Variants in HDAC9 observed in about 807,000 individuals in gnomAD.
HDAC9 encodes the protein MEF-2 interacting transcription repressor (MITR) protein.
HDAC9 carries 41 observed loss-of-function variants against 139.4 expected under a neutral mutation model. That is an observed-to-expected ratio of 0.29 (90% CI 0.23 to 0.38). The LOEUF (loss-of-function observed/expected upper bound fraction) is 0.38. Among genes scored for constraint, HDAC9 ranks in the 10% least tolerant of loss-of-function variants. The pLI, the probability that HDAC9 is intolerant of heterozygous loss-of-function variation, is 1.00. For missense variants in HDAC9, 1,147 were observed against 1,297.0 expected, an observed-to-expected ratio of 0.88 and a Z score of 1.78; for synonymous variants, 517 against 476.2, an observed-to-expected ratio of 1.09 and a Z score of -1.12.
chr7:18,458,495 G>C (rs1348426240), intron 1 of HDAC9, among the ~76,000 whole-genome samples: 1 of 152,150 alleles, frequency 6.6e-6, no homozygotes, highest in Admixed American at 6.6e-5. Flanking sequence ...CTTGTAGTTT[G>C]TTTCCAAAGG....
chr7:18,124,491 G>A (rs1784537603), intron 1 of HDAC9, among the ~76,000 whole-genome samples: 1 of 152,090 alleles, frequency 6.6e-6, no homozygotes, highest in African/African-American at 2.4e-5. Flanking sequence ...TTTATGCATG[G>A]AGGTTACAAT....
intron 22 of HDAC9, among the ~76,000 whole-genome samples, chr7:18,889,237 G>A (rs1319495425): frequency 6.6e-6 from 1 of 152,042 alleles, no homozygotes; most frequent in East Asian, 1.9e-4. Context: ...CTTCTTTAGT[G>A]ATAACCTGGT....
chr7:18,999,089 T>C lies in HDAC9; in HGVS notation c.*3027T>C, dbSNP rs1372172016. The C allele has an allele frequency of 6.6e-6, 1 of 152,168 alleles. No homozygotes were observed. The highest frequency in any genetic ancestry group is 2.4e-5 in the African/African-American group (1 of 41,444). 9.4% of individuals were successfully genotyped at this position (152,168 alleles called of 1,614,324 possible). A position where few individuals can be genotyped will look rare whatever the true frequency, so the allele number is the denominator to read the frequency against. On this transcript the variant is annotated 3_prime_UTR_variant, in exon 26 of 26. Transcript: ENST00000686413. Reference sequence around the variant, plus strand: ...TATTGTAACAAGTTTATAACATCAATAGTGGAGACAGAAGTCAGCTTTGGA... The same window carrying C: ...TATTGTAACAAGTTTATAACATCAACAGTGGAGACAGAAGTCAGCTTTGGA...
chr7:18,667,248 G>C (rs1562827059), intron 12 of HDAC9: 2 of 985,254 alleles, frequency 2.0e-6, no homozygotes, highest in Non-Finnish European at 2.4e-6. Flanking sequence ...GCAAATGTTA[G>C]TGAGAAGTAA....
intron 17 of HDAC9, among the ~76,000 whole-genome samples, chr7:18,817,045 T>G (rs982897949): frequency 8.0e-5 from 12 of 149,934 alleles, no homozygotes; most frequent in Non-Finnish European, 1.5e-4. Context: ...TTTGTTTTTT[T>G]TTTTTTTGAA....
chr7:18,748,549 C>A (rs749998813), intron 13 of HDAC9, among the ~76,000 whole-genome samples: 1 of 152,004 alleles, frequency 6.6e-6, no homozygotes, highest in Non-Finnish European at 1.5e-5. Context: ...AAAAATGAAA[C>A]CTTGATCTGA....
intron 1 of HDAC9, among the ~76,000 whole-genome samples, chr7:18,316,549 G>C (rs530100278): frequency 1.4e-5 from 2 of 147,546 alleles, no homozygotes; most frequent in African/African-American, 5.0e-5. Flanking sequence ...CATAATCTCC[G>C]TACTTGGGAG....
At chr7:18,990,115 A>G (rs1323959119) in intron 25 of HDAC9, among the ~76,000 whole-genome samples, 1 of 152,066 alleles carries the variant, frequency 6.6e-6, no homozygotes, top group Non-Finnish European at 1.5e-5. Flanking sequence ...GTTCCTTTGG[A>G]GGAGGAGAGG....
chr7:18,462,462 C>A (rs2128111070), intron 1 of HDAC9, among the ~76,000 whole-genome samples: 1 of 151,980 alleles, frequency 6.6e-6, no homozygotes, highest in South Asian at 2.1e-4. Flanking sequence ...GTTCTTAACC[C>A]CCAGATGAAG....
chr7:18,239,978 ATTTGTCCTGGACTTTG>A (rs1794083602), intron 2 of HDAC9, among the ~76,000 whole-genome samples: 1 of 148,318 alleles, frequency 6.7e-6, no homozygotes, highest in Non-Finnish European at 1.5e-5. Context: ...TTTCTGGATA[ATTTGTCCTGGACTTTG>A]TCCAGGACAG....
chr7:18,709,410 G>T (rs115460889), intron 12 of HDAC9, among the ~76,000 whole-genome samples: 24 of 152,266 alleles, frequency 1.6e-4, no homozygotes, highest in African/African-American at 5.3e-4. Context: ...TATGGAGTTT[G>T]TTTCAATTCC....
intron 1 of HDAC9, among the ~76,000 whole-genome samples, chr7:18,448,800 T>G (rs1792532520): frequency 6.6e-6 from 1 of 152,162 alleles, no homozygotes; most frequent in Non-Finnish European, 1.5e-5. Flanking sequence ...GGAAAACAAC[T>G]TGGACTGCAA....
chr7:18,311,629 T>C (rs1799323009), intron 1 of HDAC9, among the ~76,000 whole-genome samples: 1 of 152,116 alleles, frequency 6.6e-6, no homozygotes, highest in Non-Finnish European at 1.5e-5. Flanking sequence ...AGGTAGTCTG[T>C]CTCCAAAGCC....
At chr7:18,715,113 G>T (rs1468533360) in intron 12 of HDAC9, among the ~76,000 whole-genome samples, 1 of 152,046 alleles carries the variant, frequency 6.6e-6, no homozygotes, top group African/African-American at 2.4e-5. Context: ...AGGTTTGGTT[G>T]TTGAGACAAC....
Position 19,000,372 on chromosome 7 carries a change from T to C in HDAC9, c.*4310T>C, listed in dbSNP as rs1786692244. ...ATCAAAAATCACAGTCCTTGCCTCCTTGCTTGCTTTTACTCCATGAAACGC... is the reference window on the plus strand; with the variant it reads ...ATCAAAAATCACAGTCCTTGCCTCCCTGCTTGCTTTTACTCCATGAAACGC... On this transcript the variant is annotated 3_prime_UTR_variant, in exon 26 of 26. Coordinates refer to ENST00000686413, the MANE Select transcript of HDAC9 (RefSeq NM_178425.4). The C allele has an allele frequency of 6.6e-6, 1 of 152,228 alleles. No homozygotes were observed. Among genetic ancestry groups the C allele is most frequent in the Non-Finnish European group, 1.5e-5 (1 of 68,040 alleles). The allele number at this position is 152,228 out of a possible 1,614,324, so 9.4% of individuals were successfully genotyped here. A position where few individuals can be genotyped will look rare whatever the true frequency, so the allele number is the denominator to read the frequency against.
At chr7:18,320,527 G>A (rs1401972110) in intron 1 of HDAC9, among the ~76,000 whole-genome samples, 1 of 152,070 alleles carries the variant, frequency 6.6e-6, no homozygotes, top group Non-Finnish European at 1.5e-5. Context: ...CACCAGCAGA[G>A]GACTCTTGAA....
chr7:18,967,747 T>C (rs1430353283), intron 24 of HDAC9, among the ~76,000 whole-genome samples: 2 of 152,222 alleles, frequency 1.3e-5, no homozygotes, highest in African/African-American at 2.4e-5. Context: ...CTAAACAAGC[T>C]TGATATTCTA....
At chr7:18,438,031 A>G (rs1210664452) in intron 1 of HDAC9, among the ~76,000 whole-genome samples, 1 of 151,314 alleles carries the variant, frequency 6.6e-6, no homozygotes, top group Non-Finnish European at 1.5e-5. Context: ...ACATCTTTAT[A>G]ACATGTATAT....
chr7:18,356,563 G>C (rs573968618), intron 1 of HDAC9, among the ~76,000 whole-genome samples: 2 of 151,860 alleles, frequency 1.3e-5, no homozygotes, highest in South Asian at 4.2e-4. Context: ...GCTATTTAAT[G>C]TCCTTGAAAG....
Sources: gnomAD v4.1 joint callset for allele counts (sites outside exome capture counted in the v4.1 genomes callset) on GRCh38, gnomAD v4.1.1 for gene constraint, MANE v1.5 for transcripts, NCBI Gene and HGNC (gene_info 2026-07-23, HGNC 2026-07-21) for gene names.